The following AGBL1 variants were observed in gnomAD, a reference collection of about 807,000 sequenced individuals.
AGBL1 encodes the protein AGBL carboxypeptidase 1.
Under a neutral mutation model 118.9 loss-of-function variants are expected in AGBL1, and 130 were observed. The ratio of observed to expected loss-of-function variants is 1.09; its 90% CI spans 0.95 to 1.26. The LOEUF (loss-of-function observed/expected upper bound fraction) is 1.26. AGBL1 is among the 50% of genes most tolerant of loss of function. The pLI is 0.00. For missense variants in AGBL1, 1,584 were observed against 1,298.1 expected (o/e 1.22, Z -3.38); for synonymous variants, 555 against 478.9 (o/e 1.16, Z -2.08).
chr15:86,150,826 T>C (rs1212367598), intron 3 of AGBL1, among the ~76,000 whole-genome samples: 1 of 152,106 alleles, frequency 6.6e-6, no homozygotes, highest in African/African-American at 2.4e-5. Context: ...AAAAGAATTT[T>C]AGAACAATAT....
rs567839946 is a variant in AGBL1 at position 86,926,477 on chromosome 15, GT to G, written c.3222-61507del. Among the ~76,000 whole-genome samples the G allele has an allele frequency of 3.3e-5, 5 of 152,176 alleles. No homozygotes were observed. In the South Asian group the frequency reaches 1.0e-3, roughly 32 times the overall value. ...AGACTCCATACAAATAGGTCATTTT[GT>G]TTGTGTTCAATGATATCATGACCTT... On this transcript the variant is annotated intron_variant, in intron 23 of 24. Transcript: ENST00000441037.
At chr15:86,295,630 C>A in intron 17 of AGBL1, 1 of 380,062 alleles carries the variant, frequency 2.6e-6, no homozygotes, top group Non-Finnish European at 4.6e-6. Context: ...TCAAACTGTC[C>A]GGCAGATGAA....
At chr15:86,847,187 G>T (rs925321925) in intron 22 of AGBL1, among the ~76,000 whole-genome samples, 1 of 151,976 alleles carries the variant, frequency 6.6e-6, no homozygotes, top group African/African-American at 2.4e-5. Context: ...GTGTTGTTTA[G>T]TCCTTTGAAC....
intron 18 of AGBL1, among the ~76,000 whole-genome samples, chr15:86,445,135 A>G (rs537673078): frequency 3.3e-5 from 5 of 152,302 alleles, no homozygotes; most frequent in Non-Finnish European, 4.4e-5. Context: ...TAAAGGCCTC[A>G]GACAGGGGTC....
intron 21 of AGBL1, among the ~76,000 whole-genome samples, chr15:86,616,252 G>T (rs969916716): frequency 4.6e-5 from 7 of 151,202 alleles, no homozygotes; most frequent in South Asian, 2.1e-4. Context: ...CAGGAGAATC[G>T]CTTGAACCCG....
chr15:86,750,887 G>A (rs1166622087), intron 22 of AGBL1, among the ~76,000 whole-genome samples: 2 of 152,042 alleles, frequency 1.3e-5, no homozygotes, highest in Non-Finnish European at 2.9e-5. Context: ...AAGGACATGT[G>A]ATATTTGGTT....
intron 10 of AGBL1, 35 bp downstream of exon 10, chr15:86,262,929 T>C: frequency 1.3e-6 from 2 of 1,494,152 alleles, no homozygotes; most frequent in Non-Finnish European, 9.2e-7. Flanking sequence ...TCTTTGACGA[T>C]GCATGATGGG....
chr15:86,216,957 G>T (rs1280741841), intron 5 of AGBL1, among the ~76,000 whole-genome samples: 1 of 152,152 alleles, frequency 6.6e-6, no homozygotes, highest in Non-Finnish European at 1.5e-5. Flanking sequence ...CCTCAGCTCA[G>T]CAGATGCTTC....
At chr15:86,871,517 C>T (rs1480156014) in intron 22 of AGBL1, among the ~76,000 whole-genome samples, 1 of 152,174 alleles carries the variant, frequency 6.6e-6, no homozygotes, top group South Asian at 2.1e-4. Context: ...GCTGCCACTC[C>T]TGTGGTCTGG....
chr15:86,730,080 T>C (rs2077507641), intron 22 of AGBL1, among the ~76,000 whole-genome samples: 1 of 152,228 alleles, frequency 6.6e-6, no homozygotes, highest in South Asian at 2.1e-4. Flanking sequence ...TTTTGAGAAG[T>C]GCCTAAGATT....
intron 22 of AGBL1, among the ~76,000 whole-genome samples, chr15:86,754,332 T>C (rs2077901590): frequency 6.6e-6 from 1 of 152,090 alleles, no homozygotes; most frequent in Non-Finnish European, 1.5e-5. Flanking sequence ...GCAGGTGCCA[T>C]GAGCAACTTG....
At position 86,837,307 on chromosome 15, in the gene AGBL1, A is replaced by G. The variant is rs74027133; in HGVS notation, c.3159-69780A>G. ...AAGGACGTTCTAGTACCAATTGAAT[A>G]CTATTGCATGCTGGTCATTTATTTT... On this transcript the variant is annotated intron_variant, in intron 22 of 22. Transcript: ENST00000614907. Among the ~76,000 whole-genome samples, 658 of 151,910 alleles carry G rather than the reference A, an allele frequency of 4.3e-3. 4 individuals are homozygous for G. Among genetic ancestry groups the G allele is most frequent in the African/African-American group, 0.013 (537 of 41,480 alleles).
At chr15:86,362,260 A>G (rs1208510333) in intron 17 of AGBL1, among the ~76,000 whole-genome samples, 2 of 152,220 alleles carry the variant, frequency 1.3e-5, no homozygotes, top group African/African-American at 4.8e-5. Flanking sequence ...ATCCGTTAAC[A>G]AATTATTATA....
intron 4 of AGBL1, among the ~76,000 whole-genome samples, 158 bp downstream of exon 4, chr15:86,154,719 T>C (rs372684327): frequency 1.3e-5 from 2 of 152,160 alleles, no homozygotes; most frequent in African/African-American, 4.8e-5. Flanking sequence ...CCAGAGGCTG[T>C]GGAGGTGAGA....
At chr15:86,520,351 C>G (rs1019243973) in intron 18 of AGBL1, among the ~76,000 whole-genome samples, 1 of 152,120 alleles carries the variant, frequency 6.6e-6, no homozygotes, top group African/African-American at 2.4e-5. Flanking sequence ...GGAGATTTGA[C>G]TTATTTATTT....
At chr15:86,492,606 AAAAGAAAAAAAAAG>A (rs2082798330) in intron 18 of AGBL1, among the ~76,000 whole-genome samples, 1 of 53,474 alleles carries the variant, frequency 1.9e-5, no homozygotes, top group African/African-American at 4.2e-5. Flanking sequence ...GAAAAAAAAA[AAAAGAAAAAAAAAG>A]AAAGTGAAAC....
intron 18 of AGBL1, among the ~76,000 whole-genome samples, chr15:86,398,452 C>G (rs2081399148): frequency 6.6e-6 from 1 of 151,744 alleles, no homozygotes; most frequent in Non-Finnish European, 1.5e-5. Flanking sequence ...AAACTGAAAA[C>G]ATTGAAGGAA....
intron 18 of AGBL1, among the ~76,000 whole-genome samples, chr15:86,459,350 A>G (rs963255883): frequency 2.6e-5 from 4 of 152,146 alleles, no homozygotes; most frequent in Non-Finnish European, 5.9e-5. Flanking sequence ...TGCTTGAGGG[A>G]AACCGAAGCC....
chr15:86,205,547 G>T (rs2077977583), intron 5 of AGBL1, among the ~76,000 whole-genome samples: 2 of 152,184 alleles, frequency 1.3e-5, no homozygotes, highest in South Asian at 4.1e-4. Context: ...TTCCAAAGTG[G>T]TTGTTACCGT....
Sources: gnomAD v4.1 joint callset for allele counts (sites outside exome capture counted in the v4.1 genomes callset) on GRCh38, gnomAD v4.1.1 for gene constraint, MANE v1.5 for transcripts, NCBI Gene and HGNC (gene_info 2026-07-23, HGNC 2026-07-21) for gene names.